The following GFM2 variants were observed in gnomAD, a reference collection of about 807,000 sequenced individuals.
GFM2 encodes GTP dependent ribosome recycling factor mitochondrial 2.
In GFM2, 72 loss-of-function variants were observed where a neutral mutation model predicts 95.4. The ratio of observed to expected loss-of-function variants is 0.76; its 90% confidence interval spans 0.62 to 0.92. GFM2 has a LOEUF of 0.92. Ranked by LOEUF, GFM2 falls within the 40% of genes least tolerant of loss-of-function variation. The pLI is 0.00. For missense variants in GFM2, 825 were observed against 924.1 expected (o/e 0.89, Z 1.39); for synonymous variants, 276 against 317.5 (o/e 0.87, Z 1.39).
In GFM2 at chr5:74,766,886, CTG is replaced by C. The variant is rs1561270421; in HGVS notation, c.-25+50_-25+51del. 2.0e-5 allele frequency: 3 copies of C among 153,348 alleles called. No homozygotes were observed. In the East Asian group the frequency reaches 5.8e-4, roughly 29 times the overall value. 9.5% of individuals were successfully genotyped at this position (153,348 alleles called of 1,614,324 possible). On this transcript the variant is annotated intron_variant, in intron 1 of 20. Coordinates refer to ENST00000296805, the MANE Select transcript of GFM2 (RefSeq NM_032380.5). ...CCTGAAAGGTCAGCGGTACCCAGCGCTGTGACAGGGTCACAGGCGCGCGATGT... is the reference window on the plus strand; with the variant it reads ...CCTGAAAGGTCAGCGGTACCCAGCGCTGACAGGGTCACAGGCGCGCGATGT...
chr5:74,729,893 T>C lies in GFM2; in HGVS notation c.1726+367A>G, dbSNP rs145473934. Among the ~76,000 whole-genome samples, 659 of 152,298 alleles carry C rather than the reference T, an allele frequency of 4.3e-3. 10 individuals carry two copies. Among genetic ancestry groups the C allele is most frequent in the African/African-American group, 0.015 (621 of 41,566 alleles). On this transcript the variant is annotated intron_variant, in intron 17 of 20. Transcript: ENST00000296805. ...GCATAGAATAATCATATTTATTAAG[T>C]ACTGAAACTGACTTTCTACTTTTAC...
intron 11 of GFM2, among the ~76,000 whole-genome samples, 163 bp downstream of exon 11, chr5:74,741,366 G>A (rs1187084314): frequency 6.6e-6 from 1 of 151,884 alleles, no homozygotes; most frequent in Admixed American, 6.6e-5. Flanking sequence ...AATAAGTATT[G>A]TATTAGTAGT....
At chr5:74,722,869 C>A (rs1319678250) in intron 19 of GFM2, among the ~76,000 whole-genome samples, 1 of 151,928 alleles carries the variant, frequency 6.6e-6, no homozygotes, top group African/African-American at 2.4e-5. Context: ...TGTTTCTGTT[C>A]CTGATGTCTA....
intron 17 of GFM2, among the ~76,000 whole-genome samples, chr5:74,728,770 T>C: frequency 8.8e-6 from 1 of 113,794 alleles, no homozygotes; most frequent in East Asian, 2.1e-4. Flanking sequence ...TTTTTTTTTT[T>C]TTTTGAGATG....
intron 10 of GFM2, 141 bp from the exon 11 acceptor site, chr5:74,741,750 A>G (rs1239282640): frequency 4.3e-6 from 2 of 466,806 alleles, no homozygotes; most frequent in Non-Finnish European, 7.7e-6. Context: ...CACTTCTTCT[A>G]AAGAGATAAA....
intron 17 of GFM2, among the ~76,000 whole-genome samples, chr5:74,726,432 G>A (rs1345847240): frequency 6.6e-6 from 1 of 151,356 alleles, no homozygotes; most frequent in Non-Finnish European, 1.5e-5. Flanking sequence ...TCTTGTAGGT[G>A]ATTGAAATCC....
At chr5:74,744,086 G>A (rs560539272) in intron 10 of GFM2, among the ~76,000 whole-genome samples, 18 of 152,218 alleles carry the variant, frequency 1.2e-4, no homozygotes, top group African/African-American at 1.9e-4. Context: ...AGGTGATTTC[G>A]TCATTCTACC....
intron 5 of GFM2, among the ~76,000 whole-genome samples, chr5:74,751,798 T>C (rs1743727693): frequency 6.6e-6 from 1 of 152,172 alleles, no homozygotes; most frequent in Admixed American, 6.5e-5. Flanking sequence ...ACCCCCTTTT[T>C]ATCTGATGTC....
At chr5:74,739,458 C>T (rs1743003296) in intron 12 of GFM2, among the ~76,000 whole-genome samples, 1 of 152,096 alleles carries the variant, frequency 6.6e-6, no homozygotes, top group South Asian at 2.1e-4. Context: ...GTGCTCTTCA[C>T]CATCATGCCT....
At chr5:74,733,956 CTGA>C (rs1742701945) in intron 15 of GFM2, among the ~76,000 whole-genome samples, 1 of 152,082 alleles carries the variant, frequency 6.6e-6, no homozygotes, top group Non-Finnish European at 1.5e-5. Context: ...ACTCAATTAA[CTGA>C]TAAGTATACT....
chr5:74,757,381 G>A (rs1001812085), intron 5 of GFM2, among the ~76,000 whole-genome samples: 1 of 152,004 alleles, frequency 6.6e-6, no homozygotes, highest in African/African-American at 2.4e-5. Context: ...ACTTTTGTAG[G>A]TGATTTTTCA....
Position 74,765,159 on chromosome 5 carries a change from T to C in GFM2, c.-24-1393A>G, listed in dbSNP as rs886952587. On this transcript the variant is annotated intron_variant, in intron 1 of 20. Coordinates refer to ENST00000296805, the MANE Select transcript of GFM2 (RefSeq NM_032380.5). ...AGTCTCTCCACAGTTGTGACTGTAATAGACATTTTCCTCTTCTTTAACTCA... is the reference window on the plus strand; with the variant it reads ...AGTCTCTCCACAGTTGTGACTGTAACAGACATTTTCCTCTTCTTTAACTCA... The C allele has an allele frequency of 2.1e-5, 23 of 1,101,154 alleles. No individual in the cohort carries two copies. In the East Asian group the frequency reaches 1.1e-3, roughly 51 times the overall value. The allele number at this position is 1,101,154 out of a possible 1,614,324, so 68.2% of individuals were successfully genotyped here. A position where few individuals can be genotyped will look rare whatever the true frequency, so the allele number is the denominator to read the frequency against.
intron 17 of GFM2, among the ~76,000 whole-genome samples, chr5:74,728,764 T>C (rs1267991837): frequency 8.6e-6 from 1 of 116,006 alleles, no homozygotes; most frequent in Non-Finnish European, 1.7e-5. Flanking sequence ...TTTTTTTTTT[T>C]TTTTTTTTTT....
At chr5:74,732,927 GACACACACACACACACACACACAC>G (rs67360841) in intron 16 of GFM2, 71 bp downstream of exon 16, 396 of 403,614 alleles carry the variant, frequency 9.8e-4, no homozygotes, top group Non-Finnish European at 1.4e-3. Flanking sequence ...TAATGTTTTA[GACACACACACACACACACACACAC>G]ACACACACAC....
intron 12 of GFM2, among the ~76,000 whole-genome samples, 163 bp downstream of exon 12, chr5:74,739,826 T>C (rs562601329): frequency 6.6e-6 from 1 of 152,200 alleles, no homozygotes; most frequent in African/African-American, 2.4e-5. Context: ...AGATGAAAAA[T>C]GTTCCTTTCA....
At chr5:74,752,918 G>A (rs1048904772) in intron 5 of GFM2, among the ~76,000 whole-genome samples, 2 of 152,152 alleles carry the variant, frequency 1.3e-5, no homozygotes, top group African/African-American at 4.8e-5. Context: ...TAGCCCTTAA[G>A]TGCCAGATCT....
chr5:74,724,414 G>C (rs913246808), intron 19 of GFM2, among the ~76,000 whole-genome samples: 28 of 150,908 alleles, frequency 1.9e-4, no homozygotes, highest in African/African-American at 6.3e-4. Flanking sequence ...GAGGTTGGCA[G>C]ACTGCTTGAG....
At chr5:74,746,075 AGAAG>A in intron 9 of GFM2, 26 bp downstream of exon 9, 1 of 1,428,966 alleles carries the variant, frequency 7.0e-7, no homozygotes, top group Non-Finnish European at 9.6e-7. Context: ...GAGGAAACTG[AGAAG>A]AAGCTGATGC....
At chr5:74,765,275 T>C in intron 1 of GFM2, 1 of 237,572 alleles carries the variant, frequency 4.2e-6, no homozygotes, top group Non-Finnish European at 7.5e-6. Flanking sequence ...ATTTACTGTG[T>C]GTCTGCCTAC....
Sources: gnomAD v4.1 joint callset for allele counts (sites outside exome capture counted in the v4.1 genomes callset) on GRCh38, gnomAD v4.1.1 for gene constraint, MANE v1.5 for transcripts, NCBI Gene and HGNC (gene_info 2026-07-23, HGNC 2026-07-21) for gene names.